Variants in MLYCD observed in about 807,000 individuals in gnomAD.
The protein encoded by MLYCD is malonyl-CoA decarboxylase.
In MLYCD, 27 loss-of-function variants were observed where a neutral mutation model predicts 35.8. The ratio of observed to expected loss-of-function variants is 0.75; its 90% CI spans 0.56 to 1.04. The LOEUF (loss-of-function observed/expected upper bound fraction) is 1.04, where lower values mean the gene tolerates loss of function less well. MLYCD is among the 50% of genes least tolerant of loss of function. MLYCD has a pLI of 0.00. For missense variants in MLYCD, 917 were observed against 665.1 expected, an observed-to-expected ratio of 1.38 and a Z score of -4.17; for synonymous variants, 403 against 302.4, an observed-to-expected ratio of 1.33 and a Z score of -3.45.
At chr16:83,904,427 A>G (rs1906905994) in intron 1 of MLYCD, among the ~76,000 whole-genome samples, 1 of 152,180 alleles carries the variant, frequency 6.6e-6, no homozygotes, top group African/African-American at 2.4e-5. Context: ...AGGAAGATTA[A>G]GAATTGCTAT....
chr16:83,916,024 T>C lies in MLYCD; in HGVS notation c.*535T>C. 9.9e-7 allele frequency: 1 copy of C among 1,005,504 alleles called. No homozygotes were observed. The highest frequency in any genetic ancestry group is 1.2e-6 in the Non-Finnish European group (1 of 840,190). 62.3% of individuals were successfully genotyped at this position (1,005,504 alleles called of 1,614,324 possible). A position where few individuals can be genotyped will look rare whatever the true frequency, so the allele number is the denominator to read the frequency against. The stretch of plus-strand genomic sequence containing the variant: ...GAAGCTCATAAATGTATGAGAAGGT[T>C]TGTGATTTTGCACAAGGTGTGTGTA... On this transcript the variant is annotated 3_prime_UTR_variant, in exon 5 of 5. Transcript: ENST00000262430.
intron 3 of MLYCD, among the ~76,000 whole-genome samples, chr16:83,909,475 G>A (rs1474476646): frequency 6.6e-6 from 1 of 152,156 alleles, no homozygotes; most frequent in African/African-American, 2.4e-5. Context: ...TAGAAGTTCA[G>A]GTTTATAGAG....
At position 83,907,110 on chromosome 16, in the gene MLYCD, C is replaced by T. The variant is rs200841672; in HGVS notation, c.641+11C>T. ...TCAGAAAATCAGTGAGTAAGTATTACGGTTTTCATTTTCTTTGTACATACA... is the reference window on the plus strand; with the variant it reads ...TCAGAAAATCAGTGAGTAAGTATTATGGTTTTCATTTTCTTTGTACATACA... On this transcript the variant is annotated intron_variant, in intron 2 of 4. Coordinates refer to ENST00000262430, the MANE Select transcript of MLYCD (RefSeq NM_012213.3). 5.6e-5 allele frequency: 90 copies of T among 1,594,376 alleles called. No homozygotes were observed. In the African/African-American group the frequency reaches 5.9e-4, roughly 10 times the overall value.
intron 1 of MLYCD, among the ~76,000 whole-genome samples, chr16:83,904,978 G>A (rs1410700429): frequency 2.6e-5 from 4 of 152,322 alleles, no homozygotes; most frequent in South Asian, 2.1e-4. Context: ...GCTTAAACAT[G>A]TAAAAGGAGA....
rs1404626238 is a variant in MLYCD, at chr16:83,917,323, GTC to G, written c.*1836_*1837del. The stretch of plus-strand genomic sequence containing the variant: ...CAAGCATCTGTGTGTGTCAGTGCAC[GTC>G]TGTGTGCGTGTGCACGAGCGTCTCT... On this transcript the variant is annotated 3_prime_UTR_variant, in exon 5 of 5. Transcript: ENST00000262430. 2 of 154,458 alleles carry G rather than the reference GTC, an allele frequency of 1.3e-5. No individual in the cohort carries two copies. The highest frequency in any genetic ancestry group is 3.9e-4 in the East Asian group (2 of 5,172). The allele number at this position is 154,458 out of a possible 1,614,324, so 9.6% of individuals were successfully genotyped here.
intron 1 of MLYCD, among the ~76,000 whole-genome samples, chr16:83,906,418 T>C (rs986009141): frequency 6.6e-6 from 1 of 152,152 alleles, no homozygotes; most frequent in African/African-American, 2.4e-5. Context: ...CCAATTAGTC[T>C]GTGACCCGCC....
rs1009412045 is a variant in MLYCD at position 83,899,124 on chromosome 16, C to T, written c.-21C>T. The T allele has an allele frequency of 1.2e-5, 13 of 1,108,136 alleles. No individual in the cohort carries two copies. In the South Asian group the frequency reaches 3.7e-4, roughly 31 times the overall value. The allele number at this position is 1,108,136 out of a possible 1,614,324, so 68.6% of individuals were successfully genotyped here. A position where few individuals can be genotyped will look rare whatever the true frequency, so the allele number is the denominator to read the frequency against. On this transcript the variant is annotated 5_prime_UTR_variant, in exon 1 of 5. Coordinates refer to ENST00000262430, the MANE Select transcript of MLYCD (RefSeq NM_012213.3). ...CGGCAGCGGCGGCGGCGCTCCCCCT[C>T]GGCAGCTGTTGTGGGGCACCATGCG...
At position 83,916,791 on chromosome 16, in the gene MLYCD, C is replaced by G. The variant is rs577439851; in HGVS notation, c.*1302C>G. 1,652 of 123,562 alleles carry G rather than the reference C, an allele frequency of 0.013. 19 individuals are homozygous for G. The highest frequency in any genetic ancestry group is 0.02 in the Non-Finnish European group (1,228 of 60,896). 7.7% of individuals were successfully genotyped at this position (123,562 alleles called of 1,614,324 possible). A position where few individuals can be genotyped will look rare whatever the true frequency, so the allele number is the denominator to read the frequency against. ...GTCTGTGTGCATGTGCACGAGCGTT[C>G]TATGTGGATCAGTGCACGCCTGTGT... On this transcript the variant is annotated 3_prime_UTR_variant, in exon 5 of 5. Coordinates refer to ENST00000262430, the MANE Select transcript of MLYCD (RefSeq NM_012213.3).
chr16:83,905,960 C>A (rs993922177), intron 1 of MLYCD, among the ~76,000 whole-genome samples: 1 of 152,166 alleles, frequency 6.6e-6, no homozygotes, highest in Non-Finnish European at 1.5e-5. Flanking sequence ...GTGGTCAAGT[C>A]AATTCACATC....
chr16:83,906,881 T>C, intron 1 of MLYCD, 106 bp from the exon 2 acceptor site: 5 of 939,668 alleles, frequency 5.3e-6, no homozygotes, highest in East Asian at 2.4e-5. Context: ...CACAATTGTC[T>C]TATGTATCGT....
At chr16:83,908,005 G>C (rs1004754732) in intron 2 of MLYCD, 121 bp from the exon 3 acceptor site, 3 of 1,257,586 alleles carry the variant, frequency 2.4e-6, no homozygotes, top group African/African-American at 1.5e-5. Flanking sequence ...TTTTCCAGAA[G>C]AGTCCATTAA....
chr16:83,906,059 A>G (rs79713016), intron 1 of MLYCD, among the ~76,000 whole-genome samples: 7,982 of 152,284 alleles, frequency 0.052, 562 homozygotes, highest in African/African-American at 0.16. Flanking sequence ...CAGATACGCT[A>G]TTATTTTATG....
chr16:83,912,488 A>T (rs1907215960), intron 4 of MLYCD, 121 bp downstream of exon 4: 1 of 1,388,234 alleles, frequency 7.2e-7, no homozygotes, highest in South Asian at 1.2e-5. Context: ...AGGGAGGGGC[A>T]GGGGGTAGAA....
chr16:83,914,175 C>T (rs945394923), intron 4 of MLYCD: 9 of 152,212 alleles, frequency 5.9e-5, no homozygotes, highest in African/African-American at 2.2e-4. Context: ...CATTTATAAT[C>T]AGAAAGTAGC....
chr16:83,903,843 G>A (rs992938991), intron 1 of MLYCD, among the ~76,000 whole-genome samples: 2 of 152,132 alleles, frequency 1.3e-5, no homozygotes, highest in East Asian at 1.9e-4. Context: ...GATATTCCCC[G>A]CAGTTGTGTT....
At chr16:83,911,068 C>T (rs576451268) in intron 3 of MLYCD, among the ~76,000 whole-genome samples, 279 of 152,258 alleles carry the variant, frequency 1.8e-3, no homozygotes, top group Non-Finnish European at 3.0e-3. Context: ...CCTCCGCCTC[C>T]CGGGTTCACA....
At position 83,917,747 on chromosome 16, in the gene MLYCD, C is replaced by T. The variant is rs951271817; in HGVS notation, c.*2258C>T. On this transcript the variant is annotated 3_prime_UTR_variant, in exon 5 of 5. Transcript: ENST00000262430. ...GCTGGGCCTTACCGTCTTTGCTTAG[C>T]TTTTGGCCTAGACCTTAAAGACCAG... 2.0e-5 allele frequency: 3 copies of T among 152,294 alleles called. No individual in the cohort carries two copies. Among genetic ancestry groups the T allele is most frequent in the African/African-American group, 4.8e-5 (2 of 41,450 alleles). 9.4% of individuals were successfully genotyped at this position (152,294 alleles called of 1,614,324 possible).
chr16:83,912,317 G>A lies in MLYCD; in HGVS notation c.898G>A (p.Gly300Arg). ...SISLTQQGLQGVELGTFLIKR... is the reference protein window; with the variant it reads ...SISLTQQGLQRVELGTFLIKR... ...CAGCTTGACCCAGCAGGGACTCCAA[G>A]GGGTGGAGCTGGGAACATTCCTCAT... The change falls in exon 4 of 5, where the codon GGG (glycine) becomes AGG (arginine). Residue 300 changes from glycine (G) to arginine (R), a missense_variant. Gly to Arg is a moderately radical substitution (Grantham distance 125, BLOSUM62 -2). Transcript: ENST00000262430. 6.2e-7 allele frequency: 1 copy of A among 1,614,224 alleles called. No homozygotes were observed. Among genetic ancestry groups the A allele is most frequent in the Non-Finnish European group, 8.5e-7 (1 of 1,180,042 alleles).
intron 1 of MLYCD, among the ~76,000 whole-genome samples, chr16:83,906,569 G>A (rs1229245972): frequency 6.6e-6 from 1 of 152,172 alleles, no homozygotes; most frequent in Non-Finnish European, 1.5e-5. Flanking sequence ...TATCAAAGAA[G>A]GTTCCCGAGA....
Sources: gnomAD v4.1 joint callset for allele counts (sites outside exome capture counted in the v4.1 genomes callset) on GRCh38, gnomAD v4.1.1 for gene constraint, MANE v1.5 for transcripts, NCBI Gene and HGNC (gene_info 2026-07-23, HGNC 2026-07-21) for gene names.